RSU1: variants seen among roughly 807,000 people sequenced by gnomAD.
The protein encoded by RSU1 is rsu-1.
RSU1 carries 26 observed loss-of-function variants against 31.1 expected under a neutral mutation model. The observed-to-expected ratio is 0.84, with a 90% CI of 0.61 to 1.16. The LOEUF (loss-of-function observed/expected upper bound fraction) is 1.16, where lower values mean the gene tolerates loss of function less well. RSU1 is among the 50% of genes most tolerant of loss of function. RSU1 has a pLI of 0.00. For synonymous variants in RSU1, 164 were observed against 136.3 expected (o/e 1.20, Z -1.41); for missense variants, 320 against 339.1 (o/e 0.94, Z 0.44).
At chr10:16,652,841 T>C (rs1240489651) in intron 8 of RSU1, among the ~76,000 whole-genome samples, 1 of 151,702 alleles carries the variant, frequency 6.6e-6, no homozygotes, top group African/African-American at 2.4e-5. Flanking sequence ...CCACCATGCC[T>C]GGCTACATTT....
At chr10:16,743,437 T>G (rs1483774525) in intron 7 of RSU1, among the ~76,000 whole-genome samples, 1 of 152,224 alleles carries the variant, frequency 6.6e-6, no homozygotes, top group Non-Finnish European at 1.5e-5. Context: ...ATTATACAAC[T>G]GAGATTAAGT....
chr10:16,731,320 C>T (rs1198296211), intron 7 of RSU1, among the ~76,000 whole-genome samples: 1 of 151,392 alleles, frequency 6.6e-6, no homozygotes, highest in African/African-American at 2.4e-5. Context: ...GTCCCAGCTA[C>T]TTGGGAGACT....
intron 2 of RSU1, among the ~76,000 whole-genome samples, chr10:16,800,938 G>A (rs749384623): frequency 3.1e-4 from 45 of 144,264 alleles, no homozygotes; most frequent in Middle Eastern, 3.6e-3. Flanking sequence ...TTAAAGCCAC[G>A]GAAAGCAGAA....
intron 8 of RSU1, among the ~76,000 whole-genome samples, chr10:16,601,940 C>T (rs549333014): frequency 1.3e-5 from 2 of 152,202 alleles, no homozygotes; most frequent in Non-Finnish European, 2.9e-5. Flanking sequence ...GGCAGGTGAA[C>T]TGGTAATCAG....
chr10:16,688,220 T>C (rs773761604), intron 8 of RSU1, among the ~76,000 whole-genome samples: 2 of 152,202 alleles, frequency 1.3e-5, no homozygotes, highest in African/African-American at 4.8e-5. Flanking sequence ...ACTGGTTAAA[T>C]GCAACATATT....
intron 8 of RSU1, among the ~76,000 whole-genome samples, chr10:16,621,682 G>T (rs566761716): frequency 6.6e-6 from 1 of 152,214 alleles, no homozygotes; most frequent in South Asian, 2.1e-4. Flanking sequence ...GCTTGTGCTG[G>T]GGAACCCCTC....
intron 7 of RSU1, among the ~76,000 whole-genome samples, chr10:16,745,118 C>T (rs1836824534): frequency 6.6e-6 from 1 of 152,142 alleles, no homozygotes; most frequent in African/African-American, 2.4e-5. Flanking sequence ...TAGACTGTTT[C>T]AGAAGAGCCC....
intron 8 of RSU1, among the ~76,000 whole-genome samples, chr10:16,627,762 C>CAAAAAAAAAAAAAA (rs74962434): frequency 1.5e-5 from 1 of 67,554 alleles, no homozygotes; most frequent in African/African-American, 4.6e-5. Flanking sequence ...CATCTCAATA[C>CAAAAAAAAAAAAAA]AAAAAAAAAA....
At chr10:16,640,523 A>G (rs780326460) in intron 8 of RSU1, among the ~76,000 whole-genome samples, 4 of 152,188 alleles carry the variant, frequency 2.6e-5, no homozygotes, top group Non-Finnish European at 5.9e-5. Context: ...AATCCTGAAC[A>G]TGGGCCACTG....
At chr10:16,668,200 A>G (rs1835036672) in intron 8 of RSU1, among the ~76,000 whole-genome samples, 1 of 152,226 alleles carries the variant, frequency 6.6e-6, no homozygotes. Context: ...TATCATGATT[A>G]ATAAGTATTC....
At chr10:16,683,133 CA>C (rs1324908135) in intron 8 of RSU1, among the ~76,000 whole-genome samples, 1 of 117,164 alleles carries the variant, frequency 8.5e-6, no homozygotes, top group Non-Finnish European at 1.8e-5. Context: ...TGTTGAAACC[CA>C]AGCCTTAAGA....
intron 7 of RSU1, chr10:16,723,056 A>G (rs1407929552): frequency 6.6e-6 from 1 of 151,566 alleles, no homozygotes; most frequent in Non-Finnish European, 1.5e-5. Flanking sequence ...ACATACACAC[A>G]TATATATCAT....
At chr10:16,787,231 AT>A (rs1163401589) in intron 2 of RSU1, among the ~76,000 whole-genome samples, 2 of 152,054 alleles carry the variant, frequency 1.3e-5, no homozygotes, top group Non-Finnish European at 2.9e-5. Flanking sequence ...CTGTGCTTTT[AT>A]TAAGTCTTCA....
chr10:16,702,611 T>C (rs73604842), intron 7 of RSU1, among the ~76,000 whole-genome samples: 3,440 of 152,312 alleles, frequency 0.023, 152 homozygotes, highest in African/African-American at 0.079. Context: ...AGCCCCTTTC[T>C]TTTGGCCAAT....
intron 7 of RSU1, among the ~76,000 whole-genome samples, chr10:16,726,445 T>C (rs1015094472): frequency 1.3e-5 from 2 of 151,966 alleles, no homozygotes; most frequent in Admixed American, 1.3e-4. Flanking sequence ...TTTTGTGTTT[T>C]TAGTAGAGAC....
chr10:16,594,571 T>C (rs1029340515), intron 8 of RSU1, among the ~76,000 whole-genome samples: 1 of 147,724 alleles, frequency 6.8e-6, no homozygotes, highest in African/African-American at 2.5e-5. Flanking sequence ...CCACCATGCC[T>C]AGCTAATTAA....
chr10:16,735,922 A>G (rs1333131088), intron 7 of RSU1, among the ~76,000 whole-genome samples: 2 of 152,186 alleles, frequency 1.3e-5, no homozygotes, highest in Non-Finnish European at 2.9e-5. Flanking sequence ...CAAGCAGCAC[A>G]GGACTATGAT....
intron 2 of RSU1, among the ~76,000 whole-genome samples, chr10:16,809,996 G>C (rs537162115): frequency 2.7e-5 from 4 of 150,890 alleles, no homozygotes; most frequent in South Asian, 2.1e-4. Context: ...CGGGGGTGGG[G>C]GGGGGAGGTG....
intron 8 of RSU1, among the ~76,000 whole-genome samples, chr10:16,691,336 T>A (rs1318714039): frequency 6.6e-6 from 1 of 151,810 alleles, no homozygotes; most frequent in Non-Finnish European, 1.5e-5. Flanking sequence ...TGAAAATCAG[T>A]TTGTGTTAAT....
Sources: allele counts gnomAD v4.1 joint callset (sites outside exome capture counted in the v4.1 genomes callset), GRCh38; gene constraint gnomAD v4.1.1; transcripts MANE v1.5; gene names NCBI Gene and HGNC (gene_info 2026-07-23, HGNC 2026-07-21).